Variants in CERT1 observed in about 807,000 individuals in gnomAD.
CERT1 encodes ceramide transporter 1, also known as ceramide transfer protein.
Under a neutral mutation model 87.9 loss-of-function variants are expected in CERT1, and 31 were observed. The observed-to-expected ratio is 0.35, with a 90% CI of 0.27 to 0.48. The LOEUF is 0.48. CERT1 is among the 20% of genes least tolerant of loss of function. The pLI, the probability that CERT1 is intolerant of heterozygous loss-of-function variation, is 0.99. For synonymous variants in CERT1, 289 were observed against 250.9 expected (o/e 1.15, Z -1.44); for missense variants, 487 against 758.0 (o/e 0.64, Z 4.20).
intron 11 of CERT1, among the ~76,000 whole-genome samples, chr5:75,391,106 A>C (rs79326701): frequency 0.12 from 18,727 of 152,174 alleles, 1,255 homozygotes; most frequent in South Asian, 0.22. Flanking sequence ...GTGGGACTAC[A>C]GGAGTGCACC....
chr5:75,435,364 A>C (rs1764047819), intron 3 of CERT1, among the ~76,000 whole-genome samples: 1 of 152,216 alleles, frequency 6.6e-6, no homozygotes, highest in African/African-American at 2.4e-5. Context: ...ACTGCATTTC[A>C]ACCTTCTCTT....
At position 75,388,399 on chromosome 5, in the gene CERT1, AT is replaced by A. The variant is rs144488682; in HGVS notation, c.1284+1192del. Among the ~76,000 whole-genome samples the A allele has an allele frequency of 6.0e-3, 911 of 151,648 alleles. 11 individuals carry two copies. Among genetic ancestry groups the A allele is most frequent in the African/African-American group, 0.02 (844 of 41,386 alleles). ...CTTTCAAGTTTTTGCTCACATTATA[AT>A]TTTTTTCCTAAAATGCCCTCACCTC... On this transcript the variant is annotated intron_variant, in intron 12 of 16. Transcript: ENST00000643780.
chr5:75,432,474 A>C (rs1763912353), intron 3 of CERT1, among the ~76,000 whole-genome samples: 1 of 152,204 alleles, frequency 6.6e-6, no homozygotes, highest in Admixed American at 6.5e-5. Context: ...GTGATGTTGA[A>C]CACTTTTTCA....
chr5:75,482,008 CTTATTTGA>C (rs1258713047), intron 2 of CERT1, among the ~76,000 whole-genome samples: 1 of 152,132 alleles, frequency 6.6e-6, no homozygotes, highest in Non-Finnish European at 1.5e-5. Flanking sequence ...CTTACCAGAA[CTTATTTGA>C]TTATAATTAC....
At chr5:75,491,230 C>T (rs531088573) in intron 2 of CERT1, among the ~76,000 whole-genome samples, 1 of 152,074 alleles carries the variant, frequency 6.6e-6, no homozygotes, top group Non-Finnish European at 1.5e-5. Flanking sequence ...CTAGATACCT[C>T]AGTGGAGTTT....
chr5:75,381,281 C>G, intron 15 of CERT1, 80 bp from the exon 16 acceptor site: 5 of 1,493,664 alleles, frequency 3.3e-6, no homozygotes, highest in Non-Finnish European at 4.6e-6. Flanking sequence ...ATTAGGTTAA[C>G]CAAAATCGTA....
At chr5:75,453,687 TAATA>T (rs1319984985) in intron 3 of CERT1, among the ~76,000 whole-genome samples, 3 of 152,132 alleles carry the variant, frequency 2.0e-5, no homozygotes, top group African/African-American at 4.8e-5. Context: ...AAAAATGAGA[TAATA>T]TATATAAATT....
At chr5:75,466,322 G>T (rs1414266016) in intron 2 of CERT1, among the ~76,000 whole-genome samples, 3 of 152,226 alleles carry the variant, frequency 2.0e-5, no homozygotes, top group African/African-American at 7.2e-5. Flanking sequence ...CCACTCAAAA[G>T]GTTCTTTTAA....
chr5:75,426,538 A>T, intron 3 of CERT1, 60 bp from the exon 4 acceptor site: 1 of 1,225,462 alleles, frequency 8.2e-7, no homozygotes, highest in Non-Finnish European at 1.2e-6. Context: ...GAGAAAACAA[A>T]AGGTTTCCTA....
intron 3 of CERT1, among the ~76,000 whole-genome samples, chr5:75,447,660 G>C (rs964468800): frequency 6.6e-6 from 1 of 151,794 alleles, no homozygotes; most frequent in Non-Finnish European, 1.5e-5. Flanking sequence ...ACTTTTAGTA[G>C]AGACAGGGTT....
chr5:75,435,525 G>A (rs1292157275), intron 3 of CERT1, among the ~76,000 whole-genome samples: 1 of 152,200 alleles, frequency 6.6e-6, no homozygotes, highest in Non-Finnish European at 1.5e-5. Context: ...GACTTCTTGT[G>A]CTAATTCTTT....
chr5:75,369,468 T>C (rs992066891), intron 17 of CERT1: 1 of 152,046 alleles, frequency 6.6e-6, no homozygotes, highest in Admixed American at 6.6e-5. Flanking sequence ...TCAAACACTA[T>C]ATTCTAGATA....
intron 17 of CERT1, chr5:75,369,845 T>C (rs961549109): frequency 2.0e-5 from 3 of 152,244 alleles, no homozygotes; most frequent in Non-Finnish European, 2.9e-5. Context: ...GCTTCACTTA[T>C]GGTATTTGTG....
chr5:75,434,105 C>G (rs762682773), intron 3 of CERT1, among the ~76,000 whole-genome samples: 3 of 150,622 alleles, frequency 2.0e-5, no homozygotes, highest in Non-Finnish European at 2.9e-5. Context: ...TTTGCCTGTT[C>G]AGTATTACAT....
intron 2 of CERT1, among the ~76,000 whole-genome samples, chr5:75,484,081 G>A (rs1217316343): frequency 6.6e-6 from 1 of 151,916 alleles, no homozygotes; most frequent in Admixed American, 6.6e-5. Flanking sequence ...TTTAAAAGTG[G>A]GGGGTGATAA....
rs775516701 is a variant in CERT1 at position 75,511,461 on chromosome 5, G to T, written c.-254C>A. Reference sequence around the variant, plus strand: ...GCCGTCAGCCGCCGCCGCCGTCGCCGTGACCCCTGCGTTGCGCCCGGCGCT... The same window carrying T: ...GCCGTCAGCCGCCGCCGCCGTCGCCTTGACCCCTGCGTTGCGCCCGGCGCT... On this transcript the variant is annotated 5_prime_UTR_variant, in exon 1 of 17. Transcript: ENST00000643780. 12 of 1,528,846 alleles carry T rather than the reference G, an allele frequency of 7.8e-6. No individual in the cohort carries two copies. Among genetic ancestry groups the T allele is most frequent in the Middle Eastern group, 4.1e-4 (2 of 4,938 alleles). 94.7% of individuals were successfully genotyped at this position (1,528,846 alleles called of 1,614,324 possible).
At chr5:75,479,799 A>G (rs531099985) in intron 2 of CERT1, among the ~76,000 whole-genome samples, 78 of 152,226 alleles carry the variant, frequency 5.1e-4, no homozygotes, top group African/African-American at 1.8e-3. Context: ...TCCTCTAGGT[A>G]TATATTCAGT....
At chr5:75,501,475 C>T (rs1322782061) in intron 2 of CERT1, among the ~76,000 whole-genome samples, 1 of 152,164 alleles carries the variant, frequency 6.6e-6, no homozygotes, top group Non-Finnish European at 1.5e-5. Flanking sequence ...CATGAAACTA[C>T]AGAACTTAGG....
Position 75,400,282 on chromosome 5 carries a change from C to T in CERT1, c.1033G>A (p.Val345Met), listed in dbSNP as rs1302060667. The change falls in exon 10 of 17, where the codon GTG becomes ATG. Residue 345 changes from valine (V) to methionine (M), a missense_variant. Val to Met is a conservative substitution (Grantham distance 21). Around this residue, in one of 8 missense-constraint regions of CERT1, gnomAD observed 91 missense variants for 86.7 expected, o/e 1.05. Coordinates refer to ENST00000643780, the MANE Select transcript of CERT1 (RefSeq NM_001379029.1). ...KIEEQSQSEK[V>M]RLHWPTSLPS... ...AAGGATGTAGGCCAATGTAATCTCA[C>T]CTTTTCACTCTGTGACTAAAAAAAC... The T allele has an allele frequency of 6.2e-6, 10 of 1,612,194 alleles. No individual in the cohort carries two copies. The highest frequency in any genetic ancestry group is 3.3e-5 in the Admixed American group (2 of 59,950).
Sources: allele counts gnomAD v4.1 joint callset (sites outside exome capture counted in the v4.1 genomes callset), GRCh38; gene constraint gnomAD v4.1.1; regional missense constraint gnomAD v4.1.1; transcripts MANE v1.5; gene names NCBI Gene and HGNC (gene_info 2026-07-23, HGNC 2026-07-21).